The following KHDRBS2 variants were observed in gnomAD, a reference collection of about 807,000 sequenced individuals.
The protein encoded by KHDRBS2 is KH domain-containing, RNA-binding, signal transduction-associated protein 2.
In KHDRBS2, 26 loss-of-function variants were observed where a neutral mutation model predicts 44.3. That is an observed-to-expected ratio of 0.59 (90% CI 0.43 to 0.81). The LOEUF is 0.81. Among genes scored for constraint, KHDRBS2 ranks in the 40% least tolerant of loss-of-function variants. The pLI is 0.00. For synonymous variants in KHDRBS2, 194 were observed against 151.1 expected, an observed-to-expected ratio of 1.28 and a Z score of -2.08; for missense variants, 476 against 433.1, an observed-to-expected ratio of 1.10 and a Z score of -0.88.
chr6:61,871,057 C>A (rs1266834285), intron 6 of KHDRBS2, among the ~76,000 whole-genome samples: 1 of 152,034 alleles, frequency 6.6e-6, no homozygotes, highest in Non-Finnish European at 1.5e-5. Flanking sequence ...TAACAAATTC[C>A]TCTGAGCTAA....
At chr6:62,052,666 T>C (rs184016511) in intron 2 of KHDRBS2, among the ~76,000 whole-genome samples, 1 of 151,728 alleles carries the variant, frequency 6.6e-6, no homozygotes, top group Non-Finnish European at 1.5e-5. Context: ...GAAATAAAAC[T>C]GTCCACCTCA....
At chr6:62,131,619 T>C (rs1449419343) in intron 2 of KHDRBS2, among the ~76,000 whole-genome samples, 2 of 152,108 alleles carry the variant, frequency 1.3e-5, no homozygotes, top group Non-Finnish European at 2.9e-5. Context: ...ACCAGGGAAA[T>C]AGATATCCTC....
chr6:61,612,427 C>T, the KHDRBS2 span, among the ~76,000 whole-genome samples: 1 of 152,274 alleles, frequency 6.6e-6, no homozygotes, highest in Non-Finnish European at 1.5e-5. Context: ...TCCCAACCAG[C>T]TCAATATTGC....
intron 3 of KHDRBS2, among the ~76,000 whole-genome samples, chr6:62,016,829 C>T (rs115009267): frequency 7.6e-4 from 116 of 151,912 alleles, no homozygotes; most frequent in African/African-American, 2.6e-3. Context: ...GTCAGCCATG[C>T]TATAACATTA....
the KHDRBS2 span, among the ~76,000 whole-genome samples, chr6:61,597,458 T>C: frequency 3.3e-5 from 5 of 151,972 alleles, no homozygotes; most frequent in African/African-American, 1.2e-4. Flanking sequence ...TTGATTGTGT[T>C]CCTCAAGAGG....
chr6:61,720,203 G>A (rs1236876453), intron 7 of KHDRBS2, among the ~76,000 whole-genome samples: 7 of 152,176 alleles, frequency 4.6e-5, no homozygotes, highest in African/African-American at 7.2e-5. Flanking sequence ...TTGGTTCCAA[G>A]TCTTTGCTAT....
chr6:62,136,554 GC>G (rs1167322771), intron 2 of KHDRBS2, among the ~76,000 whole-genome samples: 1 of 152,082 alleles, frequency 6.6e-6, no homozygotes, highest in Non-Finnish European at 1.5e-5. Flanking sequence ...AATGGCATTT[GC>G]TTTTGCTTTA....
At chr6:61,568,000 TGA>T in the KHDRBS2 span, among the ~76,000 whole-genome samples, 9 of 152,160 alleles carry the variant, frequency 5.9e-5, no homozygotes, top group Non-Finnish European at 1.3e-4. Context: ...TAATTCATCT[TGA>T]GTTAATTTTT....
At chr6:61,946,525 A>T (rs948337788) in intron 4 of KHDRBS2, among the ~76,000 whole-genome samples, 1 of 152,190 alleles carries the variant, frequency 6.6e-6, no homozygotes, top group African/African-American at 2.4e-5. Context: ...AAGTTAAAAA[A>T]TGTCCTGTAT....
At chr6:62,235,622 A>G (rs905350542) in intron 1 of KHDRBS2, among the ~76,000 whole-genome samples, 12 of 152,066 alleles carry the variant, frequency 7.9e-5, no homozygotes, top group Non-Finnish European at 1.8e-4. Context: ...TTTCCCTGAC[A>G]ATTTGATGTA....
At chr6:61,671,866 C>T in the KHDRBS2 span, among the ~76,000 whole-genome samples, 1 of 151,616 alleles carries the variant, frequency 6.6e-6, no homozygotes, top group Non-Finnish European at 1.5e-5. Context: ...GATTATTATA[C>T]CTTAAGTTTT....
chr6:61,740,740 G>T (rs1404601174), intron 6 of KHDRBS2, among the ~76,000 whole-genome samples: 2 of 151,892 alleles, frequency 1.3e-5, no homozygotes, highest in African/African-American at 4.8e-5. Flanking sequence ...AGCGTTGGCT[G>T]ATGGTATTTT....
the KHDRBS2 span, among the ~76,000 whole-genome samples, chr6:61,640,684 G>T: frequency 1.3e-5 from 2 of 152,090 alleles, no homozygotes; most frequent in African/African-American, 4.8e-5. Flanking sequence ...ATGACCAACA[G>T]CCCTGTAAAA....
At chr6:62,105,521 G>C (rs983463746) in intron 2 of KHDRBS2, among the ~76,000 whole-genome samples, 1 of 151,948 alleles carries the variant, frequency 6.6e-6, no homozygotes, top group Non-Finnish European at 1.5e-5. Context: ...TGTATGTGTC[G>C]AGGAATTTAT....
At chr6:61,988,916 CAT>C (rs1215935556) in intron 3 of KHDRBS2, among the ~76,000 whole-genome samples, 3 of 152,130 alleles carry the variant, frequency 2.0e-5, no homozygotes, top group African/African-American at 7.2e-5. Flanking sequence ...CATTTAAACA[CAT>C]GTCAACTGAA....
chr6:62,222,384 T>C (rs1831049852), intron 1 of KHDRBS2, among the ~76,000 whole-genome samples: 1 of 151,978 alleles, frequency 6.6e-6, no homozygotes, highest in Non-Finnish European at 1.5e-5. Context: ...GGCCTCAAAA[T>C]CATGGCGGGA....
At chr6:61,677,800 AT>A (rs1766028747), downstream of KHDRBS2, among the ~76,000 whole-genome samples, 1 of 151,780 alleles carries the variant, frequency 6.6e-6, no homozygotes, top group African/African-American at 2.4e-5. Flanking sequence ...TCTCAAACAC[AT>A]TGAATTTTTC....
intron 2 of KHDRBS2, among the ~76,000 whole-genome samples, chr6:62,135,497 C>T (rs1211053125): frequency 6.6e-6 from 1 of 152,114 alleles, no homozygotes; most frequent in African/African-American, 2.4e-5. Flanking sequence ...AAAAATAGAG[C>T]TACTGTATGA....
the KHDRBS2 span, among the ~76,000 whole-genome samples, chr6:61,573,593 C>A: frequency 6.6e-6 from 1 of 152,262 alleles, no homozygotes; most frequent in South Asian, 2.1e-4. Flanking sequence ...AGTTTGAGAT[C>A]AGCCTAACCA....
Sources: gnomAD v4.1 joint callset for allele counts (sites outside exome capture counted in the v4.1 genomes callset) on GRCh38, gnomAD v4.1.1 for gene constraint, MANE v1.5 for transcripts, NCBI Gene and HGNC (gene_info 2026-07-23, HGNC 2026-07-21) for gene names.